KCNB2: variants seen among roughly 807,000 people sequenced by gnomAD.
KCNB2 encodes delayed rectifier potassium channel protein.
Under a neutral mutation model 61.5 loss-of-function variants are expected in KCNB2, and 15 were observed. That is an observed-to-expected ratio of 0.24 (90% CI 0.16 to 0.38). KCNB2 has a LOEUF of 0.38. KCNB2 is among the 10% of genes least tolerant of loss of function. The pLI, the probability that KCNB2 is intolerant of heterozygous loss-of-function variation, is 1.00. For missense variants in KCNB2, 828 were observed against 1,125.2 expected, an observed-to-expected ratio of 0.74 and a Z score of 3.78; for synonymous variants, 457 against 446.0, an observed-to-expected ratio of 1.02 and a Z score of -0.31.
intron 2 of KCNB2, among the ~76,000 whole-genome samples, chr8:72,648,169 G>T (rs1004470140): frequency 1.3e-5 from 2 of 152,098 alleles, no homozygotes; most frequent in Middle Eastern, 3.2e-3. Flanking sequence ...TGCAGTACTC[G>T]GTACCCTTGA....
intron 2 of KCNB2, among the ~76,000 whole-genome samples, chr8:72,860,598 C>G (rs1013089967): frequency 6.6e-6 from 1 of 152,200 alleles, no homozygotes; most frequent in African/African-American, 2.4e-5. Flanking sequence ...CTGCTCACAT[C>G]TATAAAGCTG....
chr8:72,631,870 C>G (rs968055849), intron 2 of KCNB2, among the ~76,000 whole-genome samples: 2 of 152,096 alleles, frequency 1.3e-5, no homozygotes, highest in Non-Finnish European at 2.9e-5. Flanking sequence ...AATTTTAAGA[C>G]AGGGCTCAGT....
chr8:72,775,361 C>A (rs183472307), intron 2 of KCNB2, among the ~76,000 whole-genome samples: 3 of 152,168 alleles, frequency 2.0e-5, no homozygotes, highest in African/African-American at 7.2e-5. Context: ...AAGCCATCTG[C>A]GGCCAGATTG....
chr8:72,680,081 T>A (rs1294733121), intron 2 of KCNB2, among the ~76,000 whole-genome samples: 1 of 152,220 alleles, frequency 6.6e-6, no homozygotes, highest in Non-Finnish European at 1.5e-5. Context: ...AGACTTAGTG[T>A]AATAATATTG....
intron 2 of KCNB2, among the ~76,000 whole-genome samples, chr8:72,570,305 C>G (rs1215185147): frequency 6.6e-6 from 1 of 152,136 alleles, no homozygotes; most frequent in Non-Finnish European, 1.5e-5. Flanking sequence ...TTTGTTTCCA[C>G]ATTGTTAATC....
At chr8:72,691,334 T>C (rs1806937323) in intron 2 of KCNB2, among the ~76,000 whole-genome samples, 2 of 152,212 alleles carry the variant, frequency 1.3e-5, no homozygotes, top group Non-Finnish European at 2.9e-5. Context: ...TAACAGCCAA[T>C]GTTGAAGTTG....
chr8:72,649,012 G>C (rs1287095818), intron 2 of KCNB2, among the ~76,000 whole-genome samples: 1 of 151,906 alleles, frequency 6.6e-6, no homozygotes, highest in Non-Finnish European at 1.5e-5. Flanking sequence ...CATCTTTACA[G>C]ATATGTGCAT....
intron 2 of KCNB2, among the ~76,000 whole-genome samples, chr8:72,578,418 A>G (rs934436398): frequency 2.6e-5 from 4 of 152,198 alleles, no homozygotes; most frequent in African/African-American, 9.6e-5. Flanking sequence ...CATATTTGCT[A>G]TGTAAAAAAG....
intron 1 of KCNB2, among the ~76,000 whole-genome samples, chr8:72,541,997 T>C (rs934701007): frequency 4.6e-5 from 7 of 152,130 alleles, no homozygotes; most frequent in African/African-American, 1.7e-4. Flanking sequence ...AATATTTCAA[T>C]AGAAATTAAA....
intron 2 of KCNB2, among the ~76,000 whole-genome samples, chr8:72,722,511 C>G (rs556031552): frequency 6.6e-6 from 1 of 152,308 alleles, no homozygotes; most frequent in South Asian, 2.1e-4. Context: ...ACTGCTCTTA[C>G]CACTCTCTTT....
rs1183240457 is a variant in KCNB2 at position 72,537,233 on chromosome 8, G to T, written c.-746G>T. On this transcript the variant is annotated 5_prime_UTR_variant, in exon 1 of 3. Transcript: ENST00000523207. ...GGGAGGCTGGGGTGGCCGCAGCCCT[G>T]TGTGCGCGCCGGGCCGGCTAGCTGC... Among the ~76,000 whole-genome samples the T allele has an allele frequency of 6.6e-6, 1 of 151,120 alleles. No individual in the cohort carries two copies. Among genetic ancestry groups the T allele is most frequent in the East Asian group, 1.9e-4 (1 of 5,134 alleles).
chr8:72,889,508 T>C (rs995479521), intron 2 of KCNB2, among the ~76,000 whole-genome samples: 2 of 151,982 alleles, frequency 1.3e-5, no homozygotes, highest in African/African-American at 2.4e-5. Context: ...GGCAACATGA[T>C]AACACCCTGA....
intron 2 of KCNB2, among the ~76,000 whole-genome samples, chr8:72,845,041 C>G (rs1177750506): frequency 6.6e-6 from 1 of 152,160 alleles, no homozygotes; most frequent in Non-Finnish European, 1.5e-5. Flanking sequence ...GGATTTTCAG[C>G]CTTTTTGTGC....
rs190778393 is a variant in KCNB2, at chr8:72,677,826, C to T, written c.579+109513C>T. Among the ~76,000 whole-genome samples, 19 of 152,238 alleles carry T rather than the reference C, an allele frequency of 1.2e-4. No individual in the cohort carries two copies. The East Asian group carries it at 2.3e-3, about 19-fold the overall frequency. ...ACAAATAGTGGAGTGCTTCAGGTCT[C>T]GGCTCCTGGACCTAATAAGATGCTC... On this transcript the variant is annotated intron_variant, in intron 2 of 2. Coordinates refer to ENST00000523207, the MANE Select transcript of KCNB2 (RefSeq NM_004770.3).
At chr8:72,853,785 C>A (rs1438754403) in intron 2 of KCNB2, among the ~76,000 whole-genome samples, 1 of 152,116 alleles carries the variant, frequency 6.6e-6, no homozygotes, top group Non-Finnish European at 1.5e-5. Flanking sequence ...CTATAAATGC[C>A]CTTTTTGGAT....
intron 2 of KCNB2, among the ~76,000 whole-genome samples, chr8:72,773,715 A>C (rs1015709544): frequency 7.2e-5 from 11 of 152,230 alleles, no homozygotes; most frequent in African/African-American, 2.7e-4. Flanking sequence ...TCAACTTATC[A>C]AATATTTTGA....
chr8:72,896,826 T>G (rs1805996825), intron 2 of KCNB2, among the ~76,000 whole-genome samples: 1 of 151,992 alleles, frequency 6.6e-6, no homozygotes, highest in Non-Finnish European at 1.5e-5. Flanking sequence ...AAGAAATGAG[T>G]CATTCATATC....
intron 2 of KCNB2, among the ~76,000 whole-genome samples, chr8:72,632,204 C>G (rs1361845729): frequency 6.6e-6 from 1 of 152,094 alleles, no homozygotes; most frequent in Non-Finnish European, 1.5e-5. Context: ...TGTCTACTTA[C>G]TACAGCACTC....
intron 2 of KCNB2, among the ~76,000 whole-genome samples, chr8:72,821,626 A>T (rs1809508029): frequency 1.2e-5 from 1 of 84,438 alleles, no homozygotes; most frequent in Non-Finnish European, 2.3e-5. Flanking sequence ...TCCTACACAC[A>T]CACACAAAAA....
Sources: gnomAD v4.1 joint callset for allele counts (sites outside exome capture counted in the v4.1 genomes callset) on GRCh38, gnomAD v4.1.1 for gene constraint, MANE v1.5 for transcripts, NCBI Gene and HGNC (gene_info 2026-07-23, HGNC 2026-07-21) for gene names.